ZBBX: variants seen among roughly 807,000 people sequenced by gnomAD.
ZBBX encodes zinc finger B-box domain containing.
ZBBX carries 101 observed loss-of-function variants against 108.5 expected under a neutral mutation model. The observed-to-expected ratio is 0.93, with a 90% confidence interval of 0.79 to 1.10. The LOEUF (loss-of-function observed/expected upper bound fraction) is 1.10. Ranked by LOEUF, ZBBX falls within the 50% of genes least tolerant of loss-of-function variation. The pLI is 0.00. For missense variants in ZBBX, 1,009 were observed against 941.4 expected, an observed-to-expected ratio of 1.07 and a Z score of -0.94; for synonymous variants, 356 against 323.4, an observed-to-expected ratio of 1.10 and a Z score of -1.08.
At chr3:167,207,999 T>TG in the ZBBX span, among the ~76,000 whole-genome samples, 2 of 152,140 alleles carry the variant, frequency 1.3e-5, no homozygotes, top group Non-Finnish European at 2.9e-5. Flanking sequence ...AATCTGCATT[T>TG]GGGGGAGGGA....
chr3:167,205,860 T>C, the ZBBX span, among the ~76,000 whole-genome samples: 1 of 152,288 alleles, frequency 6.6e-6, no homozygotes, highest in Non-Finnish European at 1.5e-5. Flanking sequence ...TATTACTTTC[T>C]GGTAGTTAGA....
At chr3:167,342,899 C>T (rs1464501981) in intron 9 of ZBBX, among the ~76,000 whole-genome samples, 2 of 151,304 alleles carry the variant, frequency 1.3e-5, no homozygotes, top group Non-Finnish European at 3.0e-5. Flanking sequence ...ATGTACATGT[C>T]CAAATCCATC....
chr3:167,334,007 A>G, intron 9 of ZBBX, 22 bp from the exon 10 acceptor site: 2 of 1,476,208 alleles, frequency 1.4e-6, no homozygotes, highest in Non-Finnish European at 1.8e-6. Flanking sequence ...GTAACAATAT[A>G]ATTAAAGCGC....
intron 20 of ZBBX, among the ~76,000 whole-genome samples, chr3:167,259,291 T>G (rs1724054539): frequency 6.6e-6 from 1 of 152,216 alleles, no homozygotes; most frequent in African/African-American, 2.4e-5. Flanking sequence ...AATGATCTTT[T>G]GTATTTCAGT....
chr3:167,324,272 G>A (rs1046028056), intron 11 of ZBBX, among the ~76,000 whole-genome samples: 1 of 151,876 alleles, frequency 6.6e-6, no homozygotes, highest in Non-Finnish European at 1.5e-5. Context: ...AGCCTCCCAC[G>A]TAGCTAGGAC....
At chr3:167,208,372 T>C in the ZBBX span, among the ~76,000 whole-genome samples, 1 of 152,116 alleles carries the variant, frequency 6.6e-6, no homozygotes, top group Non-Finnish European at 1.5e-5. Flanking sequence ...CTCCAACAAA[T>C]GTCAGTGCAG....
chr3:167,278,596 T>G (rs1381530037), intron 20 of ZBBX, among the ~76,000 whole-genome samples: 1 of 150,740 alleles, frequency 6.6e-6, no homozygotes, highest in Non-Finnish European at 1.5e-5. Flanking sequence ...TCTGAAATTG[T>G]GGCAATAATC....
intron 17 of ZBBX, among the ~76,000 whole-genome samples, chr3:167,301,176 C>T (rs6809843): frequency 0.35 from 53,612 of 151,902 alleles, 9,825 homozygotes; most frequent in East Asian, 0.65. Flanking sequence ...AGTGACACAC[C>T]TGTTACATTA....
intron 20 of ZBBX, among the ~76,000 whole-genome samples, chr3:167,269,361 A>T (rs1726137814): frequency 6.6e-6 from 1 of 152,234 alleles, no homozygotes; most frequent in Non-Finnish European, 1.5e-5. Flanking sequence ...TGATTGACTC[A>T]TATCCAATTT....
chr3:167,186,583 C>T, the ZBBX span, among the ~76,000 whole-genome samples: 3 of 152,148 alleles, frequency 2.0e-5, no homozygotes, highest in South Asian at 2.1e-4. Context: ...CCCAAGGTAC[C>T]TGCAACTACA....
chr3:167,307,406 AT>A (rs1733839104), intron 16 of ZBBX, among the ~76,000 whole-genome samples: 1 of 152,186 alleles, frequency 6.6e-6, no homozygotes, highest in Non-Finnish European at 1.5e-5. Context: ...TCTTAAGCTG[AT>A]AACTTTGGCA....
chr3:167,258,848 T>C (rs561207165), intron 20 of ZBBX, among the ~76,000 whole-genome samples: 2 of 152,354 alleles, frequency 1.3e-5, no homozygotes, highest in South Asian at 4.1e-4. Flanking sequence ...GATTATCTTT[T>C]TGATATATTG....
At chr3:167,394,046 C>T (rs1306840819) in intron 1 of ZBBX, among the ~76,000 whole-genome samples, 12 of 151,950 alleles carry the variant, frequency 7.9e-5, no homozygotes, top group Non-Finnish European at 2.9e-5. Context: ...ATACCAAAAT[C>T]TGTTTATATC....
At chr3:167,242,180 T>G (rs1720787313) in intron 21 of ZBBX, among the ~76,000 whole-genome samples, 1 of 152,162 alleles carries the variant, frequency 6.6e-6, no homozygotes. Context: ...TTGACATTTA[T>G]TAGGTTAATT....
In ZBBX at chr3:167,359,878, C is replaced by G. The variant is rs904812464; in HGVS notation, c.424G>C (p.Ala142Pro). The change falls in exon 8 of 22, where the codon GCT (alanine) becomes CCT (proline). Residue 142 changes from alanine (A) to proline (P), a missense_variant. Physicochemically the swap from Ala to Pro is conservative, Grantham distance 27. Transcript: ENST00000675490. Reference sequence around the variant, plus strand: ...CTATATAACGTACATACCAGTAGAGCAGCTTTGTTCTCACACTGTCCACAT... The same window carrying G: ...CTATATAACGTACATACCAGTAGAGGAGCTTTGTTCTCACACTGTCCACAT... ...KVCGQCENKAALLVCLECGED... is the reference protein window; with the variant it reads ...KVCGQCENKAPLLVCLECGED... 6.7e-7 allele frequency: 1 copy of G among 1,499,216 alleles called. No individual in the cohort carries two copies. The highest frequency in any genetic ancestry group is 1.4e-5 in the African/African-American group (1 of 71,336). 92.9% of individuals were successfully genotyped at this position (1,499,216 alleles called of 1,614,324 possible).
chr3:167,339,312 G>C (rs977593911), intron 9 of ZBBX, among the ~76,000 whole-genome samples: 1 of 152,036 alleles, frequency 6.6e-6, no homozygotes, highest in Non-Finnish European at 1.5e-5. Context: ...ATTTCACTAA[G>C]TTAAGCCATC....
chr3:167,243,846 C>T (rs548116814), intron 20 of ZBBX, among the ~76,000 whole-genome samples: 1 of 145,990 alleles, frequency 6.8e-6, no homozygotes, highest in Admixed American at 7.1e-5. Flanking sequence ...ATTATTCCCA[C>T]TGAAAAATAG....
At chr3:167,318,073 G>T (rs1576983912) in intron 12 of ZBBX, among the ~76,000 whole-genome samples, 2 of 151,958 alleles carry the variant, frequency 1.3e-5, no homozygotes, top group Admixed American at 1.3e-4. Context: ...AGGTGTTCAG[G>T]CTGTGGTATC....
At chr3:167,276,235 G>C (rs1417344743) in intron 20 of ZBBX, among the ~76,000 whole-genome samples, 1 of 152,214 alleles carries the variant, frequency 6.6e-6, no homozygotes, top group Non-Finnish European at 1.5e-5. Context: ...AACAAAGCTG[G>C]ATGGAGAATG....
Sources: allele counts gnomAD v4.1 joint callset (sites outside exome capture counted in the v4.1 genomes callset), GRCh38; gene constraint gnomAD v4.1.1; transcripts MANE v1.5; gene names NCBI Gene and HGNC (gene_info 2026-07-23, HGNC 2026-07-21).